Variants in TNRC6A observed in about 807,000 individuals in gnomAD.
The protein encoded by TNRC6A is trinucleotide repeat containing adaptor 6A, also known as trinucleotide repeat-containing gene 6A protein.
Under a neutral mutation model 221.2 loss-of-function variants are expected in TNRC6A, and 44 were observed. The observed-to-expected ratio is 0.20, with a 90% confidence interval of 0.16 to 0.26. The LOEUF (loss-of-function observed/expected upper bound fraction) is 0.26. Ranked by LOEUF, TNRC6A falls within the 10% of genes least tolerant of loss-of-function variation. The probability of loss-of-function intolerance (pLI) is 1.00; values close to 1 mark genes in which losing one functional copy is unlikely to be tolerated. For synonymous variants in TNRC6A, 847 were observed against 838.5 expected (o/e 1.01, Z -0.18); for missense variants, 2,199 against 2,404.4 (o/e 0.91, Z 1.79).
At chr16:24,806,122 G>C in intron 15 of TNRC6A, 84 bp from the exon 16 acceptor site, 3 of 1,502,638 alleles carry the variant, frequency 2.0e-6, no homozygotes, top group Non-Finnish European at 2.7e-6. Context: ...TCGTGCCTCT[G>C]TAGGTCCATC....
intron 2 of TNRC6A, among the ~76,000 whole-genome samples, chr16:24,701,763 T>C (rs1388091336): frequency 1.3e-5 from 2 of 152,216 alleles, no homozygotes; most frequent in East Asian, 3.8e-4. Flanking sequence ...CCTCAGGAAA[T>C]TGAGGCCAAT....
chr16:24,623,254 C>G (rs1340265503), intron 1 of TNRC6A, among the ~76,000 whole-genome samples: 4 of 151,318 alleles, frequency 2.6e-5, no homozygotes, highest in Non-Finnish European at 5.9e-5. Context: ...GCTGGAGTGC[C>G]GTGGTGCGAT....
intron 2 of TNRC6A, among the ~76,000 whole-genome samples, chr16:24,671,532 C>A (rs1429458972): frequency 6.6e-6 from 1 of 152,208 alleles, no homozygotes; most frequent in Non-Finnish European, 1.5e-5. Flanking sequence ...GCTGTGCAGG[C>A]ACTATGCCCT....
rs111570200 is a variant in TNRC6A, at chr16:24,645,795, C to T, written n.402+4786C>T. ...GGAAGATCACTTGAGCTCAGGAGTTCGAGACCAACCTGGGAAACATGACAA... is the reference window on the plus strand; with the variant it reads ...GGAAGATCACTTGAGCTCAGGAGTTTGAGACCAACCTGGGAAACATGACAA... On this transcript the variant is annotated intron_variant and non_coding_transcript_variant, in intron 2 of 2. Transcript: ENST00000566108. Among the ~76,000 whole-genome samples, 1,027 of 124,622 alleles carry T rather than the reference C, an allele frequency of 8.2e-3. 15 individuals carry two copies. The highest frequency in any genetic ancestry group is 0.03 in the African/African-American group (971 of 31,984). 81.8% of individuals were successfully genotyped at this position (124,622 alleles called of 152,430 possible).
chr16:24,696,029 A>G (rs1010206831), intron 2 of TNRC6A, among the ~76,000 whole-genome samples: 1 of 152,110 alleles, frequency 6.6e-6, no homozygotes, highest in Admixed American at 6.6e-5. Flanking sequence ...GGAGAGGAAA[A>G]AACTCCACTG....
At chr16:24,799,840 T>G (rs1371603071) in intron 11 of TNRC6A, among the ~76,000 whole-genome samples, 1 of 152,218 alleles carries the variant, frequency 6.6e-6, no homozygotes, top group East Asian at 1.9e-4. Flanking sequence ...ACAAAGGATC[T>G]GAGCCCCCAG....
chr16:24,680,713 CAAA>C (rs560768377), intron 2 of TNRC6A, among the ~76,000 whole-genome samples: 19 of 118,214 alleles, frequency 1.6e-4, no homozygotes, highest in Non-Finnish European at 1.8e-4. Flanking sequence ...AAGACTCCAT[CAAA>C]AAAAAAAAAA....
intron 2 of TNRC6A, among the ~76,000 whole-genome samples, chr16:24,658,276 A>C (rs1469036483): frequency 6.6e-6 from 1 of 152,178 alleles, no homozygotes; most frequent in African/African-American, 2.4e-5. Flanking sequence ...CAGATTTTCA[A>C]ATTTCATTGC....
At chr16:24,768,979 T>G (rs761287932) in intron 4 of TNRC6A, among the ~76,000 whole-genome samples, 9 of 152,220 alleles carry the variant, frequency 5.9e-5, no homozygotes, top group Non-Finnish European at 1.2e-4. Flanking sequence ...CAAAGTGAAG[T>G]TCATTAAATA....
chr16:24,757,689 G>A (rs2057281854), intron 3 of TNRC6A, among the ~76,000 whole-genome samples: 1 of 152,186 alleles, frequency 6.6e-6, no homozygotes, highest in South Asian at 2.1e-4. Flanking sequence ...ACATTGGAAG[G>A]CAGTGAAAGC....
chr16:24,689,263 A>G (rs986487320), intron 2 of TNRC6A, among the ~76,000 whole-genome samples: 15 of 152,200 alleles, frequency 9.9e-5, no homozygotes, highest in Non-Finnish European at 1.9e-4. Flanking sequence ...CAAGCAACAC[A>G]TGTTCTTCCA....
At chr16:24,729,975 G>A in intron 1 of TNRC6A, 129 bp downstream of exon 1, 2 of 880,090 alleles carry the variant, frequency 2.3e-6, no homozygotes, top group South Asian at 5.4e-5. Flanking sequence ...CTCGGCGGGA[G>A]GGCGCAGGCT....
chr16:24,778,806 A>G (rs754907153), intron 5 of TNRC6A, among the ~76,000 whole-genome samples: 2 of 152,202 alleles, frequency 1.3e-5, no homozygotes, highest in Non-Finnish European at 2.9e-5. Flanking sequence ...GTAGTAGGCA[A>G]TTAGTCATTT....
Position 24,738,207 on chromosome 16 carries a change from C to T in TNRC6A, c.53+7907C>T, listed in dbSNP as rs536682958. Among the ~76,000 whole-genome samples the T allele has an allele frequency of 9.8e-5, 15 of 152,324 alleles. No individual in the cohort carries two copies. The South Asian group carries it at 2.5e-3, about 25-fold the overall frequency. On this transcript the variant is annotated intron_variant, in intron 2 of 24. Transcript: ENST00000395799. ...CTTATCAATTTAGCACTGTCCCTTCCACCTTTTGCCCTGTCCCTAACTCTT... is the reference window on the plus strand; with the variant it reads ...CTTATCAATTTAGCACTGTCCCTTCTACCTTTTGCCCTGTCCCTAACTCTT...
chr16:24,703,512 A>G (rs2056030730), intron 2 of TNRC6A, among the ~76,000 whole-genome samples: 1 of 152,192 alleles, frequency 6.6e-6, no homozygotes. Context: ...CAGGAGATTG[A>G]GGCCAGCCTA....
chr16:24,807,429 G>A (rs559785599), intron 17 of TNRC6A, among the ~76,000 whole-genome samples: 1 of 152,358 alleles, frequency 6.6e-6, no homozygotes, highest in South Asian at 2.1e-4. Flanking sequence ...TGGGAAGGAA[G>A]GCTGATGTTC....
Position 24,790,199 on chromosome 16 carries a change from T to G in TNRC6A, c.1557T>G (p.Gly519=). ...NGESKSGGSY[G]TTWGAYGSNY... ...AGTCAAAAAGTGGAGGCTCTTATGGTACTACATGGGGTGCCTATGGTTCTA... is the reference window on the plus strand; with the variant it reads ...AGTCAAAAAGTGGAGGCTCTTATGGGACTACATGGGGTGCCTATGGTTCTA... The change falls in exon 6 of 25, where the codon GGT becomes GGG. Residue 519 remains glycine (G), a synonymous_variant. Transcript: ENST00000395799. The G allele has an allele frequency of 6.2e-7, 1 of 1,614,186 alleles. No individual in the cohort carries two copies. The highest frequency in any genetic ancestry group is 8.5e-7 in the Non-Finnish European group (1 of 1,180,034).
At position 24,645,834 on chromosome 16, in the gene TNRC6A, C is replaced by CAAAAAAAAAAAAAAAAAAAAAAAAA. The variant is rs36106864; in HGVS notation, n.402+4834_402+4858dup. On this transcript the variant is annotated intron_variant and non_coding_transcript_variant, in intron 2 of 2. Transcript: ENST00000566108. ...GAAACATGACAAGACCCTGTATCTA[C>CAAAAAAAAAAAAAAAAAAAAAAAAA]AAAAAAAAAAAAAAAAAAAAAAAAA... 7.9e-4 allele frequency among the ~76,000 whole-genome samples: 21 copies of CAAAAAAAAAAAAAAAAAAAAAAAAA among 26,644 alleles called. 5 individuals are homozygous for CAAAAAAAAAAAAAAAAAAAAAAAAA. The highest frequency in any genetic ancestry group is 9.2e-4 in the Non-Finnish European group (13 of 14,088). 17.5% of individuals were successfully genotyped at this position (26,644 alleles called of 152,430 possible).
intron 11 of TNRC6A, 34 bp downstream of exon 11, chr16:24,798,000 T>A (rs200071286): frequency 6.4e-7 from 1 of 1,572,112 alleles, no homozygotes; most frequent in East Asian, 2.2e-5. Flanking sequence ...ATATTCCTCA[T>A]TGAGGGACAC....
Sources: gnomAD v4.1 joint callset for allele counts (sites outside exome capture counted in the v4.1 genomes callset) on GRCh38, gnomAD v4.1.1 for gene constraint, MANE v1.5 for transcripts, NCBI Gene and HGNC (gene_info 2026-07-23, HGNC 2026-07-21) for gene names.